Variants in ELMO1 observed in about 807,000 individuals in gnomAD.
ELMO1 encodes engulfment and cell motility protein 1.
In ELMO1, 26 loss-of-function variants were observed where a neutral mutation model predicts 98.9. That is an observed-to-expected ratio of 0.26 (90% CI 0.19 to 0.36). The LOEUF (loss-of-function observed/expected upper bound fraction) is 0.36. Among genes scored for constraint, ELMO1 ranks in the 10% least tolerant of loss-of-function variants. The pLI is 1.00. For missense variants in ELMO1, 627 were observed against 935.2 expected (o/e 0.67, Z 4.30); for synonymous variants, 346 against 346.0 (o/e 1.00, Z 0.00).
chr7:37,361,200 TA>T (rs1159571663), intron 1 of ELMO1, among the ~76,000 whole-genome samples: 1 of 152,200 alleles, frequency 6.6e-6, no homozygotes, highest in African/African-American at 2.4e-5. Context: ...TGAATGTTCA[TA>T]ACAACTTTAT....
chr7:37,268,178 G>A (rs1385467980), intron 5 of ELMO1, among the ~76,000 whole-genome samples: 3 of 152,168 alleles, frequency 2.0e-5, no homozygotes, highest in Non-Finnish European at 4.4e-5. Flanking sequence ...TATGCCCACA[G>A]CTATTATGAT....
rs182764949 is a variant in ELMO1, at chr7:36,883,641, G to A, written c.1714+3919C>T. Among the ~76,000 whole-genome samples the A allele has an allele frequency of 3.1e-3, 466 of 152,206 alleles. 2 individuals are homozygous for A. The highest frequency in any genetic ancestry group is 0.01 in the African/African-American group (432 of 41,532). ...CTGTGGCCATGTGAAGCTCCTCGCT[G>A]ACCCTGCCCCACCTTCTACCATGAT... On this transcript the variant is annotated intron_variant, in intron 18 of 21. Coordinates refer to ENST00000310758, the MANE Select transcript of ELMO1 (RefSeq NM_014800.11).
chr7:37,084,993 G>A (rs1234142293), intron 15 of ELMO1, among the ~76,000 whole-genome samples: 1 of 152,148 alleles, frequency 6.6e-6, no homozygotes, highest in Non-Finnish European at 1.5e-5. Context: ...CTGACCTCAT[G>A]TAATCTGCCC....
intron 4 of ELMO1, among the ~76,000 whole-genome samples, chr7:37,300,751 C>A (rs1478605624): frequency 3.4e-5 from 5 of 147,568 alleles, no homozygotes; most frequent in Non-Finnish European, 7.5e-5. Flanking sequence ...GTGTCTCTGC[C>A]CGGCTTTGGT....
chr7:37,107,221 G>A (rs1785000264), intron 14 of ELMO1, among the ~76,000 whole-genome samples: 1 of 152,214 alleles, frequency 6.6e-6, no homozygotes, highest in African/African-American at 2.4e-5. Flanking sequence ...GGATTTGTAA[G>A]ATGGGCCAAC....
intron 2 of ELMO1, among the ~76,000 whole-genome samples, chr7:37,331,900 G>T (rs1298963434): frequency 1.5e-5 from 1 of 68,172 alleles, no homozygotes; most frequent in East Asian, 4.4e-4. Context: ...GTTTGAGGTG[G>T]GAGGAACAAC....
chr7:36,949,917 T>C (rs756821305), intron 16 of ELMO1, among the ~76,000 whole-genome samples: 2 of 152,306 alleles, frequency 1.3e-5, no homozygotes, highest in African/African-American at 2.4e-5. Context: ...CAAACATCTT[T>C]CCAAAGCAAA....
At chr7:37,402,925 T>G (rs1803595252) in intron 1 of ELMO1, among the ~76,000 whole-genome samples, 1 of 152,200 alleles carries the variant, frequency 6.6e-6, no homozygotes, top group Admixed American at 6.5e-5. Context: ...TGTCATACAA[T>G]CTGGCAATAA....
chr7:36,895,081 TC>T, intron 16 of ELMO1, 64 bp from the exon 17 acceptor site: 4 of 1,589,250 alleles, frequency 2.5e-6, no homozygotes, highest in Non-Finnish European at 3.4e-6. Flanking sequence ...GAAAAGTCTT[TC>T]CGAGTTAAGG....
At chr7:37,369,672 T>TTA (rs755279225) in intron 1 of ELMO1, among the ~76,000 whole-genome samples, 2 of 124,214 alleles carry the variant, frequency 1.6e-5, no homozygotes, top group Non-Finnish European at 3.4e-5. Flanking sequence ...GCCCAAAATG[T>TTA]AAAAAAAAAA....
chr7:37,328,560 C>T (rs777034143), intron 2 of ELMO1, among the ~76,000 whole-genome samples: 3 of 152,208 alleles, frequency 2.0e-5, no homozygotes, highest in Non-Finnish European at 2.9e-5. Context: ...AGGTGCTCAG[C>T]GCTAACACCT....
chr7:37,032,099 C>T (rs1489087338), intron 15 of ELMO1, among the ~76,000 whole-genome samples: 2 of 152,148 alleles, frequency 1.3e-5, no homozygotes, highest in African/African-American at 4.8e-5. Flanking sequence ...ATTGGAGAAA[C>T]ATCCTATTAG....
chr7:36,912,152 G>C (rs1028313212), intron 16 of ELMO1, among the ~76,000 whole-genome samples: 10 of 152,318 alleles, frequency 6.6e-5, no homozygotes, highest in Non-Finnish European at 1.5e-4. Context: ...TTTATTTAAA[G>C]TGTTAAATTG....
At chr7:37,084,958 T>C (rs142635993) in intron 15 of ELMO1, among the ~76,000 whole-genome samples, 1 of 152,048 alleles carries the variant, frequency 6.6e-6, no homozygotes, top group Non-Finnish European at 1.5e-5. Flanking sequence ...GGTTTCACTA[T>C]GTTGGCCAGG....
intron 15 of ELMO1, among the ~76,000 whole-genome samples, chr7:37,064,400 T>C (rs1339175773): frequency 6.6e-6 from 1 of 152,154 alleles, no homozygotes; most frequent in Non-Finnish European, 1.5e-5. Context: ...AGGGACTATG[T>C]ATGAGGGCTG....
chr7:37,360,120 G>A (rs1041470768), intron 1 of ELMO1, among the ~76,000 whole-genome samples: 2 of 152,152 alleles, frequency 1.3e-5, no homozygotes, highest in Admixed American at 1.3e-4. Context: ...GATAAACTTT[G>A]TGTGAGTTGA....
intron 1 of ELMO1, among the ~76,000 whole-genome samples, chr7:37,360,785 T>G (rs986650164): frequency 6.6e-6 from 1 of 152,198 alleles, no homozygotes; most frequent in African/African-American, 2.4e-5. Context: ...TTAACTGCCA[T>G]CTACAAAGGT....
intron 16 of ELMO1, among the ~76,000 whole-genome samples, chr7:36,996,451 G>T (rs1385663723): frequency 6.6e-6 from 1 of 152,098 alleles, no homozygotes; most frequent in African/African-American, 2.4e-5. Context: ...GCACTCTGGG[G>T]TAGAAAGGTG....
intron 1 of ELMO1, among the ~76,000 whole-genome samples, chr7:37,443,201 C>G (rs1157810772): frequency 6.6e-6 from 1 of 152,200 alleles, no homozygotes; most frequent in Non-Finnish European, 1.5e-5. Flanking sequence ...CAGAGTACAA[C>G]CCACTGAACA....
Sources: gnomAD v4.1 joint callset for allele counts (sites outside exome capture counted in the v4.1 genomes callset) on GRCh38, gnomAD v4.1.1 for gene constraint, MANE v1.5 for transcripts, NCBI Gene and HGNC (gene_info 2026-07-23, HGNC 2026-07-21) for gene names.